Variants in SLC9A9 observed in about 807,000 individuals in gnomAD.
The protein encoded by SLC9A9 is solute carrier family 9 member A9.
Under a neutral mutation model 77.8 loss-of-function variants are expected in SLC9A9, and 62 were observed. The observed-to-expected ratio is 0.80, with a 90% CI of 0.65 to 0.98. The LOEUF (loss-of-function observed/expected upper bound fraction) is 0.98, where lower values mean the gene tolerates loss of function less well. SLC9A9 is among the 50% of genes least tolerant of loss of function. The pLI is 0.00. For synonymous variants in SLC9A9, 320 were observed against 283.5 expected (o/e 1.13, Z -1.29); for missense variants, 775 against 774.9 (o/e 1.00, Z 0.00).
intron 1 of SLC9A9, among the ~76,000 whole-genome samples, chr3:143,843,481 C>T (rs554370858): frequency 2.3e-4 from 35 of 152,250 alleles, no homozygotes; most frequent in African/African-American, 4.1e-4. Flanking sequence ...AATCTGAAAA[C>T]GCTTTAATAT....
At chr3:143,723,317 G>C (rs1934552014) in intron 4 of SLC9A9, among the ~76,000 whole-genome samples, 1 of 152,118 alleles carries the variant, frequency 6.6e-6, no homozygotes, top group South Asian at 2.1e-4. Flanking sequence ...ACAAAAATTT[G>C]ATAAGACTTC....
intron 5 of SLC9A9, among the ~76,000 whole-genome samples, chr3:143,669,042 C>T (rs1462258113): frequency 6.6e-6 from 1 of 152,176 alleles, no homozygotes; most frequent in Admixed American, 6.5e-5. Context: ...AGGTACCTTT[C>T]TCTTAAGAAA....
At chr3:143,599,788 C>T (rs940290077) in intron 6 of SLC9A9, among the ~76,000 whole-genome samples, 75 of 152,252 alleles carry the variant, frequency 4.9e-4, no homozygotes, top group Admixed American at 4.0e-3. Context: ...CCCTCAAGAC[C>T]TGTAAGAAAT....
At chr3:143,414,357 G>T (rs75493771) in intron 12 of SLC9A9, among the ~76,000 whole-genome samples, 7,716 of 152,224 alleles carry the variant, frequency 0.051, 267 homozygotes, top group African/African-American at 0.095. Context: ...AGCAAATCTT[G>T]CTTTATTAAG....
chr3:143,722,201 C>T (rs1560048542), intron 4 of SLC9A9, among the ~76,000 whole-genome samples: 1 of 152,054 alleles, frequency 6.6e-6, no homozygotes, highest in Non-Finnish European at 1.5e-5. Flanking sequence ...TGGCCGGGCG[C>T]GGTGGCTCAC....
intron 2 of SLC9A9, among the ~76,000 whole-genome samples, chr3:143,826,342 T>C (rs564714746): frequency 6.6e-6 from 1 of 152,232 alleles, no homozygotes; most frequent in Non-Finnish European, 1.5e-5. Context: ...AACTTCCACA[T>C]TTTTGCCTCA....
chr3:143,721,590 G>A (rs1345115764), intron 4 of SLC9A9, among the ~76,000 whole-genome samples: 1 of 152,110 alleles, frequency 6.6e-6, no homozygotes, highest in African/African-American at 2.4e-5. Flanking sequence ...GGGCACTCAG[G>A]AGGGTGGTGT....
chr3:143,591,155 C>A (rs1026668058), intron 6 of SLC9A9, among the ~76,000 whole-genome samples: 4 of 152,150 alleles, frequency 2.6e-5, no homozygotes. Flanking sequence ...TAGACTCATT[C>A]CCCCAGACCC....
At chr3:143,365,214 G>A (rs990277581) in intron 13 of SLC9A9, among the ~76,000 whole-genome samples, 5 of 152,106 alleles carry the variant, frequency 3.3e-5, no homozygotes, top group African/African-American at 1.2e-4. Flanking sequence ...CTTATAAGTG[G>A]AAGCTAAATG....
chr3:143,397,541 T>C (rs1193204639), intron 12 of SLC9A9, among the ~76,000 whole-genome samples: 1 of 152,182 alleles, frequency 6.6e-6, no homozygotes, highest in African/African-American at 2.4e-5. Context: ...CTGAAAACCA[T>C]TGTGGTTATT....
At chr3:143,534,385 A>G (rs567409377) in intron 9 of SLC9A9, among the ~76,000 whole-genome samples, 2 of 152,348 alleles carry the variant, frequency 1.3e-5, no homozygotes, top group Non-Finnish European at 2.9e-5. Context: ...TGAATATTTT[A>G]TACTGGTTTC....
chr3:143,552,293 T>C (rs2036903171), intron 9 of SLC9A9, 69 bp downstream of exon 9: 3 of 1,113,334 alleles, frequency 2.7e-6, no homozygotes, highest in Admixed American at 3.9e-5. Flanking sequence ...CTGACTATAC[T>C]GCCAGAATTG....
chr3:143,431,214 A>G (rs921113075), intron 12 of SLC9A9, among the ~76,000 whole-genome samples: 13 of 151,906 alleles, frequency 8.6e-5, no homozygotes, highest in African/African-American at 2.9e-4. Context: ...CCTTCAATTC[A>G]CAAGTCACAG....
intron 4 of SLC9A9, among the ~76,000 whole-genome samples, chr3:143,772,010 A>G (rs2007536511): frequency 7.0e-6 from 1 of 143,580 alleles, no homozygotes; most frequent in African/African-American, 2.7e-5. Flanking sequence ...ACAGCCTCAG[A>G]GCATCCCCAG....
intron 5 of SLC9A9, among the ~76,000 whole-genome samples, chr3:143,675,431 C>T (rs1399001126): frequency 1.3e-5 from 2 of 152,208 alleles, no homozygotes; most frequent in Admixed American, 6.5e-5. Flanking sequence ...AGGCACCAGA[C>T]AGGATAATCC....
chr3:143,681,054 G>A (rs1179764038), intron 5 of SLC9A9, among the ~76,000 whole-genome samples: 3 of 152,134 alleles, frequency 2.0e-5, no homozygotes, highest in Non-Finnish European at 4.4e-5. Flanking sequence ...TATTCCACAA[G>A]CTTTCTCCCA....
At chr3:143,713,161 A>G (rs2108797753) in intron 4 of SLC9A9, among the ~76,000 whole-genome samples, 1 of 152,340 alleles carries the variant, frequency 6.6e-6, no homozygotes, top group Non-Finnish European at 1.5e-5. Context: ...AGATGAAAAG[A>G]GAAGGCAGAT....
At chr3:143,364,853 G>T (rs2032856720) in intron 13 of SLC9A9, among the ~76,000 whole-genome samples, 1 of 152,064 alleles carries the variant, frequency 6.6e-6, no homozygotes, top group South Asian at 2.1e-4. Flanking sequence ...TTCAAGTCTT[G>T]CATTTTTCCA....
At chr3:143,274,357 T>G (rs1328059678) in intron 14 of SLC9A9, among the ~76,000 whole-genome samples, 1 of 152,198 alleles carries the variant, frequency 6.6e-6, no homozygotes, top group Non-Finnish European at 1.5e-5. Flanking sequence ...ATAATCCCAT[T>G]TTACAGATCA....
Sources: gnomAD v4.1 joint callset for allele counts (sites outside exome capture counted in the v4.1 genomes callset) on GRCh38, gnomAD v4.1.1 for gene constraint, MANE v1.5 for transcripts, NCBI Gene and HGNC (gene_info 2026-07-23, HGNC 2026-07-21) for gene names.